The following PAPPA variants were observed in gnomAD, a reference collection of about 807,000 sequenced individuals.
PAPPA encodes the protein pappalysin-1.
In PAPPA, 60 loss-of-function variants were observed where a neutral mutation model predicts 164.0. That is an observed-to-expected ratio of 0.37 (90% CI 0.30 to 0.45). The LOEUF (loss-of-function observed/expected upper bound fraction) is 0.45. Among genes scored for constraint, PAPPA ranks in the 20% least tolerant of loss-of-function variants. PAPPA has a pLI of 1.00. For synonymous variants in PAPPA, 875 were observed against 814.1 expected, an observed-to-expected ratio of 1.07 and a Z score of -1.27; for missense variants, 1,782 against 2,087.3, an observed-to-expected ratio of 0.85 and a Z score of 2.85.
Position 116,307,929 on chromosome 9 carries a change from T to C in PAPPA, c.3147+4979T>C, listed in dbSNP as rs146690658. On this transcript the variant is annotated intron_variant, in intron 10 of 21. Coordinates refer to ENST00000328252, the MANE Select transcript of PAPPA (RefSeq NM_002581.5). ...ATATCTACCTGGTAGAAATGAAGGA[T>C]GCAGAGAAAACACTCTGTGCTGGGT... 3.3e-5 allele frequency among the ~76,000 whole-genome samples: 5 copies of C among 152,326 alleles called. No individual in the cohort carries two copies. The South Asian group carries it at 1.0e-3, about 32-fold the overall frequency.
rs143358977 is a variant in PAPPA, at chr9:116,237,505, G to A, written c.2732+1868G>A. Among the ~76,000 whole-genome samples, 123 of 152,240 alleles carry A rather than the reference G, an allele frequency of 8.1e-4. 1 individual carries two copies. Among genetic ancestry groups the A allele is most frequent in the Middle Eastern group, 3.4e-3 (1 of 294 alleles). ...TTTTTGCCTCGAGTTACGAGCCTATGAGAGCTGCCATGGGTTGATAAGTTT... is the reference window on the plus strand; with the variant it reads ...TTTTTGCCTCGAGTTACGAGCCTATAAGAGCTGCCATGGGTTGATAAGTTT... On this transcript the variant is annotated intron_variant, in intron 7 of 21. Coordinates refer to ENST00000328252, the MANE Select transcript of PAPPA (RefSeq NM_002581.5).
intron 9 of PAPPA, among the ~76,000 whole-genome samples, chr9:116,297,514 C>T (rs1222521235): frequency 2.0e-5 from 3 of 152,200 alleles, no homozygotes; most frequent in Non-Finnish European, 1.5e-5. Flanking sequence ...CACTTATTCA[C>T]CTGAGTGATT....
At chr9:116,355,792 T>C (rs1407505249) in intron 17 of PAPPA, among the ~76,000 whole-genome samples, 12 of 152,196 alleles carry the variant, frequency 7.9e-5, no homozygotes, top group Non-Finnish European at 1.2e-4. Flanking sequence ...GTTTGGCAAC[T>C]AACGGAGAGG....
Position 116,276,890 on chromosome 9 carries a change from T to G in PAPPA, c.2953+5474T>G, listed in dbSNP as rs556366484. Among the ~76,000 whole-genome samples, 291 of 152,150 alleles carry G rather than the reference T, an allele frequency of 1.9e-3. 3 individuals carry two copies. Among genetic ancestry groups the G allele is most frequent in the African/African-American group, 6.6e-3 (273 of 41,504 alleles). ...AGGAGAGGAGAAGAATCGGTCTGCC[T>G]CCCCACCAGTTGCTGGGAGGGGCAG... is the stretch of plus-strand genomic sequence containing the variant. On this transcript the variant is annotated intron_variant, in intron 9 of 21. Coordinates refer to ENST00000328252, the MANE Select transcript of PAPPA (RefSeq NM_002581.5).
chr9:116,267,702 T>C (rs1257858127), intron 8 of PAPPA, among the ~76,000 whole-genome samples: 4 of 150,596 alleles, frequency 2.7e-5, no homozygotes, highest in Admixed American at 2.6e-4. Flanking sequence ...TGAAACCCCG[T>C]CTCTACTAAA....
chr9:116,196,003 G>A (rs183103760), intron 2 of PAPPA, among the ~76,000 whole-genome samples: 17 of 152,190 alleles, frequency 1.1e-4, no homozygotes, highest in Non-Finnish European at 2.1e-4. Context: ...AAAAGCAAAG[G>A]CATGTCTGGG....
chr9:116,175,439 G>A (rs1027265602), intron 1 of PAPPA, among the ~76,000 whole-genome samples: 1 of 152,042 alleles, frequency 6.6e-6, no homozygotes, highest in Non-Finnish European at 1.5e-5. Flanking sequence ...AATTAACTTG[G>A]TTCAGCCATT....
At chr9:116,286,539 A>T (rs1845341676) in intron 9 of PAPPA, 1 of 152,182 alleles carries the variant, frequency 6.6e-6, no homozygotes, top group Admixed American at 6.5e-5. Flanking sequence ...GTCTGAAGGG[A>T]GTACTTGAGC....
intron 8 of PAPPA, among the ~76,000 whole-genome samples, chr9:116,267,310 A>T (rs1276949305): frequency 6.6e-6 from 1 of 152,264 alleles, no homozygotes. Context: ...AGCAAGGATG[A>T]TGCAGTAATG....
intron 9 of PAPPA, among the ~76,000 whole-genome samples, chr9:116,282,329 G>A (rs185202590): frequency 1.3e-5 from 2 of 152,280 alleles, no homozygotes; most frequent in Admixed American, 1.3e-4. Context: ...TACATGTTTA[G>A]TACAGATAGA....
intron 9 of PAPPA, among the ~76,000 whole-genome samples, chr9:116,300,924 A>G (rs745938753): frequency 2.0e-5 from 3 of 151,888 alleles, no homozygotes; most frequent in Non-Finnish European, 4.4e-5. Flanking sequence ...TTAGAGTTCT[A>G]TGGTTATCCT....
intron 15 of PAPPA, among the ~76,000 whole-genome samples, chr9:116,350,686 C>T (rs965975287): frequency 2.6e-5 from 4 of 152,184 alleles, no homozygotes; most frequent in African/African-American, 9.6e-5. Context: ...GCTTCCTGTA[C>T]TTTATATACA....
chr9:116,385,976 G>C (rs543772487), intron 21 of PAPPA, among the ~76,000 whole-genome samples: 24 of 152,338 alleles, frequency 1.6e-4, no homozygotes, highest in Non-Finnish European at 3.2e-4. Context: ...CAGCATGAAG[G>C]TCCGAGAAAG....
chr9:116,349,702 T>C (rs1029337608), intron 15 of PAPPA, among the ~76,000 whole-genome samples: 1 of 152,228 alleles, frequency 6.6e-6, no homozygotes, highest in African/African-American at 2.4e-5. Flanking sequence ...CCCACATTTG[T>C]AGACAGGCTG....
In PAPPA at chr9:116,219,997, A is replaced by T; in HGVS notation, c.1979A>T (p.Asp660Val). 6.2e-7 allele frequency: 1 copy of T among 1,614,038 alleles called. No homozygotes were observed. The highest frequency in any genetic ancestry group is 8.5e-7 in the Non-Finnish European group (1 of 1,179,992). Residue 660 changes from aspartate (D) to valine (V), a missense_variant, in exon 5 of 22, where the codon GAC becomes GTC. Physicochemically the swap from Asp to Val is radical, Grantham distance 152 (BLOSUM62 -3). Around this residue, in one of 2 missense-constraint regions of PAPPA, gnomAD observed 1,324 missense variants for 1,656.9 expected, o/e 0.80. Coordinates refer to ENST00000328252, the MANE Select transcript of PAPPA (RefSeq NM_002581.5). ...NQVARMHCYLDLVYQGWQPSR... is the reference protein window; with the variant it reads ...NQVARMHCYLVLVYQGWQPSR... ...GTCGCCAGAATGCACTGTTACCTGG[A>T]CCTGGTCTACCAGGGCTGGCAGCCC...
chr9:116,176,419 A>G (rs10983075), intron 1 of PAPPA, among the ~76,000 whole-genome samples: 67,300 of 152,104 alleles, frequency 0.44, 18,110 homozygotes, highest in Non-Finnish European at 0.61. Context: ...GCCAGTTAGA[A>G]GAGTGTTCCA....
At chr9:116,321,560 C>G (rs1564224947) in intron 10 of PAPPA, among the ~76,000 whole-genome samples, 1 of 152,126 alleles carries the variant, frequency 6.6e-6, no homozygotes, top group South Asian at 2.1e-4. Flanking sequence ...GGTGCCTGTC[C>G]TGTGCAATGG....
At chr9:116,294,569 A>G (rs991900155) in intron 9 of PAPPA, among the ~76,000 whole-genome samples, 4 of 152,230 alleles carry the variant, frequency 2.6e-5, no homozygotes, top group African/African-American at 9.6e-5. Context: ...GCCAATATAT[A>G]GCCACCTCCC....
rs1361311149 is a variant in PAPPA at position 116,154,289 on chromosome 9, C to T, written c.117C>T (p.Arg39=). The change falls in exon 1 of 22, where the codon CGC becomes CGT. Residue 39 remains arginine (R), a synonymous_variant. Coordinates refer to ENST00000328252, the MANE Select transcript of PAPPA (RefSeq NM_002581.5). This position sits in a 1 kb window ranked among gnomAD's most constrained non-coding sequence, Gnocchi z 5.2. ...ACCCGCGGGCCGGCCGACCCCCGCG[C>T]CCCGCCGCCGGCCCGGCCACCTGCG... ...RRDPRAGRPP[R]PAAGPATCAT... 2.5e-5 allele frequency: 24 copies of T among 975,456 alleles called. No homozygotes were observed. The highest frequency in any genetic ancestry group is 2.8e-5 in the Non-Finnish European group (23 of 820,844). 60.4% of individuals were successfully genotyped at this position (975,456 alleles called of 1,614,324 possible).
Sources: allele counts gnomAD v4.1 joint callset (sites outside exome capture counted in the v4.1 genomes callset), GRCh38; gene constraint gnomAD v4.1.1; regional missense constraint gnomAD v4.1.1; non-coding constraint Gnocchi (gnomAD v3.1); transcripts MANE v1.5; gene names NCBI Gene and HGNC (gene_info 2026-07-23, HGNC 2026-07-21).